WDHD1: variants seen among roughly 807,000 people sequenced by gnomAD.
The protein encoded by WDHD1 is WD repeat and HMG-box DNA binding protein 1.
In WDHD1, 111 loss-of-function variants were observed where a neutral mutation model predicts 135.4. That is an observed-to-expected ratio of 0.82 (90% CI 0.70 to 0.96). The LOEUF is 0.96. WDHD1 is among the 40% of genes least tolerant of loss of function. WDHD1 has a pLI of 0.00. For missense variants in WDHD1, 1,351 were observed against 1,336.3 expected (o/e 1.01, Z -0.17); for synonymous variants, 434 against 439.0 (o/e 0.99, Z 0.14).
chr14:55,005,012 T>C, intron 7 of WDHD1: 2 of 544,750 alleles, frequency 3.7e-6, no homozygotes, highest in Non-Finnish European at 7.2e-6. Context: ...GAGTAGTCCA[T>C]TCACCCTGAA....
intron 2 of WDHD1, among the ~76,000 whole-genome samples, chr14:55,018,426 T>C (rs1279086838): frequency 2.6e-5 from 4 of 152,188 alleles, no homozygotes; most frequent in Non-Finnish European, 5.9e-5. Flanking sequence ...TCTTGACTTG[T>C]GGGAAGAATA....
chr14:54,985,030 A>G (rs1420771616), intron 14 of WDHD1, among the ~76,000 whole-genome samples, 170 bp from the exon 15 acceptor site: 1 of 152,222 alleles, frequency 6.6e-6, no homozygotes, highest in Non-Finnish European at 1.5e-5. Context: ...GAAACACAGT[A>G]AGATGTTACA....
intron 21 of WDHD1, among the ~76,000 whole-genome samples, chr14:54,960,556 G>C (rs1017722110): frequency 7.3e-5 from 11 of 151,602 alleles, no homozygotes; most frequent in African/African-American, 2.7e-4. Context: ...CTGGAGTGCA[G>C]TGGCGTGATC....
At chr14:55,026,153 G>A (rs1004613201) in intron 2 of WDHD1, among the ~76,000 whole-genome samples, 3 of 151,476 alleles carry the variant, frequency 2.0e-5, no homozygotes, top group Admixed American at 6.6e-5. Flanking sequence ...AGACACACAA[G>A]TATTTTTTCA....
rs1413283798 is a variant in WDHD1, at chr14:55,000,861, A to G, written c.800+25T>C. 3 of 1,459,620 alleles carry G rather than the reference A, an allele frequency of 2.1e-6. No individual in the cohort carries two copies. The South Asian group carries it at 4.6e-5, about 23-fold the overall frequency. 90.4% of individuals were successfully genotyped at this position (1,459,620 alleles called of 1,614,324 possible). A position where few individuals can be genotyped will look rare whatever the true frequency, so the allele number is the denominator to read the frequency against. On this transcript the variant is annotated intron_variant, in intron 9 of 25. Coordinates refer to ENST00000360586, the MANE Select transcript of WDHD1 (RefSeq NM_007086.4). ...AAACTAATAGAGATGAGCAAAGAAG[A>G]GACAAAAGATACACTAAATCATACC...
rs1360016835 is a variant in WDHD1, at chr14:54,940,384, T to A, written c.*1106A>T. 6.6e-6 allele frequency: 1 copy of A among 152,212 alleles called. No homozygotes were observed. Among genetic ancestry groups the A allele is most frequent in the East Asian group, 1.9e-4 (1 of 5,200 alleles). The allele number at this position is 152,212 out of a possible 1,614,324, so 9.4% of individuals were successfully genotyped here. A position where few individuals can be genotyped will look rare whatever the true frequency, so the allele number is the denominator to read the frequency against. ...AAAATGTATGTTTTCCTAACTTTAA[T>A]CATCACCAGATAAGGAATATTCTTG... is the stretch of plus-strand genomic sequence containing the variant. On this transcript the variant is annotated 3_prime_UTR_variant, in exon 26 of 26. Coordinates refer to ENST00000360586, the MANE Select transcript of WDHD1 (RefSeq NM_007086.4).
At chr14:54,993,873 G>A (rs182101636) in intron 11 of WDHD1, among the ~76,000 whole-genome samples, 353 of 152,092 alleles carry the variant, frequency 2.3e-3, no homozygotes, top group African/African-American at 7.6e-3. Flanking sequence ...GACGATAGCC[G>A]TAACTCTGTA....
chr14:55,019,316 AG>A (rs2042307530), intron 2 of WDHD1, among the ~76,000 whole-genome samples: 1 of 152,262 alleles, frequency 6.6e-6, no homozygotes, highest in Admixed American at 6.5e-5. Flanking sequence ...TTTTTTTCTT[AG>A]GTAAACTGGG....
At chr14:54,969,958 A>G (rs1418567452) in intron 16 of WDHD1, among the ~76,000 whole-genome samples, 1 of 152,230 alleles carries the variant, frequency 6.6e-6, no homozygotes, top group African/African-American at 2.4e-5. Flanking sequence ...CCACATGATC[A>G]TCTCAATAGA....
chr14:54,996,861 G>A (rs1173077058), intron 10 of WDHD1, among the ~76,000 whole-genome samples: 2 of 151,826 alleles, frequency 1.3e-5, no homozygotes, highest in Non-Finnish European at 2.9e-5. Flanking sequence ...GCGTGATCTC[G>A]GCTCACTGCA....
chr14:54,971,826 T>C (rs1056311942), intron 16 of WDHD1, among the ~76,000 whole-genome samples: 4 of 136,806 alleles, frequency 2.9e-5, no homozygotes, highest in Middle Eastern at 3.6e-3. Flanking sequence ...TAAAAAAAAA[T>C]CAGCAGCAAA....
intron 14 of WDHD1, 98 bp downstream of exon 14, chr14:54,987,048 A>T: frequency 7.4e-7 from 1 of 1,360,466 alleles, no homozygotes; most frequent in Non-Finnish European, 1.0e-6. Context: ...ATTCAAAAGG[A>T]AGTATATAAT....
chr14:54,988,141 C>A lies in WDHD1; in HGVS notation c.1527-754G>T, dbSNP rs115968042. ...TGACATCTATCTACCTATTTACTTACCTACCTACTTATCAAAACATGTAAA... is the reference window on the plus strand; with the variant it reads ...TGACATCTATCTACCTATTTACTTAACTACCTACTTATCAAAACATGTAAA... On this transcript the variant is annotated intron_variant, in intron 13 of 25. Coordinates refer to ENST00000360586, the MANE Select transcript of WDHD1 (RefSeq NM_007086.4). Among the ~76,000 whole-genome samples, 978 of 152,278 alleles carry A rather than the reference C, an allele frequency of 6.4e-3. 12 individuals carry two copies. The highest frequency in any genetic ancestry group is 0.022 in the African/African-American group (913 of 41,544).
intron 16 of WDHD1, among the ~76,000 whole-genome samples, chr14:54,976,364 G>A (rs2041524137): frequency 6.6e-6 from 1 of 152,044 alleles, no homozygotes; most frequent in African/African-American, 2.4e-5. Flanking sequence ...TGGGACTACA[G>A]GCATGTACCA....
At position 54,967,729 on chromosome 14, in the gene WDHD1, T is replaced by C. The variant is rs1427597292; in HGVS notation, c.2064-335A>G. Among the ~76,000 whole-genome samples, 4 of 152,054 alleles carry C rather than the reference T, an allele frequency of 2.6e-5. No homozygotes were observed. In the South Asian group the frequency reaches 8.3e-4, roughly 32 times the overall value. Reference sequence around the variant, plus strand: ...CCAACCTCCCAAGTTCAAGCAATCCTCCCACCTCAGCCTCCCAAGTAGCTG... The same window carrying C: ...CCAACCTCCCAAGTTCAAGCAATCCCCCCACCTCAGCCTCCCAAGTAGCTG... On this transcript the variant is annotated intron_variant, in intron 16 of 25. Coordinates refer to ENST00000360586, the MANE Select transcript of WDHD1 (RefSeq NM_007086.4).
At position 55,002,045 on chromosome 14, in the gene WDHD1, T is replaced by C. The variant is rs532373613; in HGVS notation, c.693+48A>G. 5 of 1,356,822 alleles carry C rather than the reference T, an allele frequency of 3.7e-6. No individual in the cohort carries two copies. In the East Asian group the frequency reaches 1.2e-4, roughly 31 times the overall value. The allele number at this position is 1,356,822 out of a possible 1,614,324, so 84.0% of individuals were successfully genotyped here. ...CAACTGTATTCAGGCAAACTACGCA[T>C]TAACTGCTCCTTATAGCCCACTGAA... is the stretch of plus-strand genomic sequence containing the variant. On this transcript the variant is annotated intron_variant, in intron 8 of 25. Coordinates refer to ENST00000360586, the MANE Select transcript of WDHD1 (RefSeq NM_007086.4).
At chr14:54,949,394 G>T (rs142890334) in intron 24 of WDHD1, among the ~76,000 whole-genome samples, 403 of 152,260 alleles carry the variant, frequency 2.6e-3, no homozygotes, top group Middle Eastern at 6.8e-3. Context: ...CTGGAAGAAA[G>T]GGTATCAGTG....
chr14:54,962,584 T>TG (rs776324852), intron 20 of WDHD1, 33 bp from the exon 21 acceptor site: 10 of 1,572,260 alleles, frequency 6.4e-6, no homozygotes, highest in Non-Finnish European at 8.7e-6. Flanking sequence ...ATAATGTAAA[T>TG]GGGGAAAATA....
chr14:54,996,537 C>G (rs770770896), intron 10 of WDHD1, among the ~76,000 whole-genome samples: 13 of 152,100 alleles, frequency 8.5e-5, no homozygotes, highest in Non-Finnish European at 1.5e-4. Flanking sequence ...AAGGTCAGGG[C>G]TGCAGTGAGC....
Sources: gnomAD v4.1 joint callset for allele counts (sites outside exome capture counted in the v4.1 genomes callset) on GRCh38, gnomAD v4.1.1 for gene constraint, MANE v1.5 for transcripts, NCBI Gene and HGNC (gene_info 2026-07-23, HGNC 2026-07-21) for gene names.